The following ZFHX3 variants were observed in gnomAD, a reference collection of about 807,000 sequenced individuals.
The protein encoded by ZFHX3 is zinc finger homeobox 3, also known as zinc finger homeobox protein 3.
Under a neutral mutation model 279.1 loss-of-function variants are expected in ZFHX3, and 42 were observed. That is an observed-to-expected ratio of 0.15 (90% CI 0.12 to 0.19). ZFHX3 has a LOEUF of 0.19. Among genes scored for constraint, ZFHX3 ranks in the 10% least tolerant of loss-of-function variants. The pLI, the probability that ZFHX3 is intolerant of heterozygous loss-of-function variation, is 1.00. For synonymous variants in ZFHX3, 2,293 were observed against 1,957.8 expected (o/e 1.17, Z -4.52); for missense variants, 4,981 against 4,754.0 (o/e 1.05, Z -1.40).
chr16:73,405,128 C>G (rs1026662290), intron 3 of ZFHX3, among the ~76,000 whole-genome samples: 4 of 152,170 alleles, frequency 2.6e-5, no homozygotes, highest in Non-Finnish European at 5.9e-5. Flanking sequence ...TAATCCTCAT[C>G]ATTACAACCA....
chr16:73,841,761 CA>C (rs1003834604), intron 1 of ZFHX3, among the ~76,000 whole-genome samples: 51 of 152,288 alleles, frequency 3.3e-4, no homozygotes, highest in African/African-American at 1.2e-3. Context: ...ATTATTGAAT[CA>C]GACCAAATTT....
chr16:73,365,611 G>A (rs917992707), intron 3 of ZFHX3, among the ~76,000 whole-genome samples: 3 of 152,154 alleles, frequency 2.0e-5, no homozygotes, highest in Non-Finnish European at 4.4e-5. Context: ...TAAACACTGT[G>A]ATCTTTCTAG....
At chr16:73,288,858 G>A (rs1193869834) in intron 4 of ZFHX3, among the ~76,000 whole-genome samples, 2 of 151,618 alleles carry the variant, frequency 1.3e-5, no homozygotes, top group African/African-American at 2.4e-5. Flanking sequence ...ATGTCAATGC[G>A]GGGTCTAAGC....
At chr16:73,870,790 G>A (rs944729561) in intron 1 of ZFHX3, among the ~76,000 whole-genome samples, 3 of 152,152 alleles carry the variant, frequency 2.0e-5, no homozygotes, top group African/African-American at 4.8e-5. Context: ...ATCTGAGCAC[G>A]AACATCAGCA....
intron 2 of ZFHX3, among the ~76,000 whole-genome samples, chr16:73,635,596 C>G (rs2052520606): frequency 6.6e-6 from 1 of 152,126 alleles, no homozygotes; most frequent in Non-Finnish European, 1.5e-5. Flanking sequence ...CCCTATTCTC[C>G]TTTCAAAGCT....
At chr16:73,573,932 C>T (rs1392112991) in intron 2 of ZFHX3, among the ~76,000 whole-genome samples, 6 of 152,182 alleles carry the variant, frequency 3.9e-5, no homozygotes, top group Admixed American at 2.6e-4. Flanking sequence ...CCATACCTAC[C>T]GTGACTCTCC....
chr16:73,089,293 G>A (rs892003011), intron 8 of ZFHX3, among the ~76,000 whole-genome samples: 4 of 152,038 alleles, frequency 2.6e-5, no homozygotes, highest in Non-Finnish European at 5.9e-5. Context: ...TAATAAAGAC[G>A]AGGTTTCACT....
chr16:72,863,725 A>G (rs1453648632), intron 4 of ZFHX3, among the ~76,000 whole-genome samples: 3 of 151,944 alleles, frequency 2.0e-5, no homozygotes, highest in African/African-American at 2.4e-5. Flanking sequence ...CTACTTGTGG[A>G]TATGTTTGAA....
chr16:73,298,078 C>T (rs1485304467), intron 4 of ZFHX3, among the ~76,000 whole-genome samples: 5 of 151,604 alleles, frequency 3.3e-5, no homozygotes, highest in Admixed American at 6.6e-5. Context: ...ATAATACTAG[C>T]GACCTGGGAG....
intron 8 of ZFHX3, among the ~76,000 whole-genome samples, chr16:73,084,095 T>C (rs1258944674): frequency 1.3e-5 from 2 of 152,186 alleles, no homozygotes; most frequent in South Asian, 2.1e-4. Flanking sequence ...ACACATTACC[T>C]CCACCAACAA....
In ZFHX3 at chr16:72,799,397, T is replaced by G. The variant is rs565992034; in HGVS notation, c.3967+630A>C. 8.5e-4 allele frequency among the ~76,000 whole-genome samples: 129 copies of G among 152,198 alleles called. 1 individual carries two copies. The South Asian group carries it at 0.02, about 24-fold the overall frequency. On this transcript the variant is annotated intron_variant, in intron 8 of 9. Transcript: ENST00000268489. ...TTTAACAGGTCATTTGTCCATTGTC[T>G]AATATGGAAAACTCACAAGAAAGAG...
chr16:73,102,415 G>A (rs1476613876), intron 7 of ZFHX3, among the ~76,000 whole-genome samples: 1 of 152,212 alleles, frequency 6.6e-6, no homozygotes, highest in Non-Finnish European at 1.5e-5. Context: ...GAAGCTGCTG[G>A]AAGTGAATTT....
At chr16:73,503,207 A>T (rs1318765035) in intron 2 of ZFHX3, among the ~76,000 whole-genome samples, 1 of 152,210 alleles carries the variant, frequency 6.6e-6, no homozygotes, top group African/African-American at 2.4e-5. Flanking sequence ...AGCTAGAGGC[A>T]CTTATCTAAA....
intron 1 of ZFHX3, among the ~76,000 whole-genome samples, chr16:73,881,703 C>T (rs765658652): frequency 6.6e-6 from 1 of 151,788 alleles, no homozygotes; most frequent in Non-Finnish European, 1.5e-5. Flanking sequence ...TATACATACA[C>T]ATATACATTT....
At chr16:73,209,952 G>A (rs1451129021) in intron 5 of ZFHX3, among the ~76,000 whole-genome samples, 1 of 152,202 alleles carries the variant, frequency 6.6e-6, no homozygotes, top group African/African-American at 2.4e-5. Context: ...AGCTATACAT[G>A]TTCTTCCTTC....
At chr16:73,077,464 C>T (rs944375309) in intron 8 of ZFHX3, among the ~76,000 whole-genome samples, 2 of 151,514 alleles carry the variant, frequency 1.3e-5, no homozygotes, top group Non-Finnish European at 2.9e-5. Flanking sequence ...AGTCTTTCCA[C>T]GTTGTTAAAA....
chr16:73,886,540 A>G (rs964257224), intron 1 of ZFHX3, among the ~76,000 whole-genome samples: 2 of 152,216 alleles, frequency 1.3e-5, no homozygotes, highest in African/African-American at 4.8e-5. Context: ...TGCCGAGGAG[A>G]AAATGAAGCC....
At chr16:73,311,318 G>T (rs2015319555) in intron 4 of ZFHX3, among the ~76,000 whole-genome samples, 1 of 151,506 alleles carries the variant, frequency 6.6e-6, no homozygotes. Context: ...AAAATGGATG[G>T]ATGCAGTGGC....
intron 1 of ZFHX3, among the ~76,000 whole-genome samples, chr16:73,729,553 CCAA>C (rs2053551200): frequency 3.2e-5 from 1 of 31,218 alleles, no homozygotes; most frequent in African/African-American, 8.4e-5. Flanking sequence ...AACAAACAAA[CCAA>C]AAAAAAAAAA....
Sources: gnomAD v4.1 joint callset for allele counts (sites outside exome capture counted in the v4.1 genomes callset) on GRCh38, gnomAD v4.1.1 for gene constraint, MANE v1.5 for transcripts, NCBI Gene and HGNC (gene_info 2026-07-23, HGNC 2026-07-21) for gene names.